PITRM1: variants seen among roughly 807,000 people sequenced by gnomAD.
PITRM1 encodes pitrilysin metallopeptidase 1, also known as presequence protease, mitochondrial.
Under a neutral mutation model 129.9 loss-of-function variants are expected in PITRM1, and 100 were observed. That is an observed-to-expected ratio of 0.77 (90% CI 0.65 to 0.91). The LOEUF is 0.91. PITRM1 is among the 40% of genes least tolerant of loss of function. The pLI, the probability that PITRM1 is intolerant of heterozygous loss-of-function variation, is 0.00. For synonymous variants in PITRM1, 591 were observed against 508.8 expected (o/e 1.16, Z -2.17); for missense variants, 1,471 against 1,318.3 (o/e 1.12, Z -1.79).
At chr10:3,153,294 C>T (rs548711860) in intron 14 of PITRM1, among the ~76,000 whole-genome samples, 11 of 152,282 alleles carry the variant, frequency 7.2e-5, no homozygotes, top group African/African-American at 2.4e-4. Context: ...ATTTAGGAAA[C>T]GTACAACCTG....
chr10:3,166,644 C>T (rs986813815), intron 3 of PITRM1, among the ~76,000 whole-genome samples: 2 of 152,188 alleles, frequency 1.3e-5, no homozygotes, highest in Non-Finnish European at 2.9e-5. Context: ...TTTTAAACCA[C>T]GTAATGTATA....
chr10:3,164,720 A>G (rs1325959051), intron 6 of PITRM1, among the ~76,000 whole-genome samples: 2 of 152,222 alleles, frequency 1.3e-5, no homozygotes, highest in African/African-American at 2.4e-5. Context: ...ATACTTATTC[A>G]TTAAGGTAAG....
chr10:3,157,404 A>C, intron 12 of PITRM1, 31 bp downstream of exon 12: 1 of 1,409,686 alleles, frequency 7.1e-7, no homozygotes, highest in Non-Finnish European at 9.8e-7. Context: ...CTATTATAAA[A>C]CAAAAACAAA....
chr10:3,143,546 C>T (rs1045989036), intron 22 of PITRM1, 45 bp from the exon 23 acceptor site: 11 of 1,325,380 alleles, frequency 8.3e-6, no homozygotes, highest in African/African-American at 2.9e-5. Context: ...TGCCATGCAC[C>T]GCCCACGGCA....
Position 3,160,194 on chromosome 10 carries a change from G to A in PITRM1, c.918+10C>T. On this transcript the variant is annotated intron_variant, in intron 8 of 26. Coordinates refer to ENST00000224949, the MANE Select transcript of PITRM1 (RefSeq NM_014889.4). ...TACCAGGAAGGACACAAACACGGTG[G>A]GGCACTCACAGGCTTGTCCCAGGGT... The A allele has an allele frequency of 1.9e-6, 3 of 1,613,440 alleles. No individual in the cohort carries two copies. The South Asian group carries it at 3.3e-5, about 18-fold the overall frequency.
chr10:3,147,546 A>G (rs1238707923), intron 19 of PITRM1, 26 bp downstream of exon 19: 1 of 1,610,850 alleles, frequency 6.2e-7, no homozygotes, highest in Non-Finnish European at 8.5e-7. Context: ...AACCGGAGTA[A>G]TAGAGGTTCC....
Position 3,159,863 on chromosome 10 carries a change from C to T in PITRM1, c.992G>A (p.Ser331Asn). Residue 331 changes from serine (S) to asparagine (N), a missense_variant, in exon 9 of 27, where the codon AGC (serine) becomes AAC (asparagine). Transcript: ENST00000224949. ...ATATACTTACTCCGGTAAGAGGAAG[C>T]TAACGCTGATGGTTGTTTGTTTAGA... ...DPSKQTTISVSFLLPDITDTF... is the reference protein window; with the variant it reads ...DPSKQTTISVNFLLPDITDTF... 6.3e-7 allele frequency: 1 copy of T among 1,597,754 alleles called. No homozygotes were observed. The highest frequency in any genetic ancestry group is 8.6e-7 in the Non-Finnish European group (1 of 1,168,622).
chr10:3,159,965 G>A, intron 8 of PITRM1, 29 bp from the exon 9 acceptor site: 2 of 1,484,250 alleles, frequency 1.3e-6, no homozygotes, highest in South Asian at 1.2e-5. Context: ...TTGTGAGTAG[G>A]CACAGTGTCT....
chr10:3,164,476 T>C (rs1183607529), intron 6 of PITRM1, among the ~76,000 whole-genome samples: 1 of 152,210 alleles, frequency 6.6e-6, no homozygotes, highest in Non-Finnish European at 1.5e-5. Flanking sequence ...AACCCATTTA[T>C]GCCTGAGGTT....
In PITRM1 at chr10:3,138,258, G is replaced by T; in HGVS notation, c.2997C>A (p.Asp999Glu). The T allele has an allele frequency of 6.2e-7, 1 of 1,613,436 alleles. No individual in the cohort carries two copies. The highest frequency in any genetic ancestry group is 8.5e-7 in the Non-Finnish European group (1 of 1,179,410). ...ACCTATCGCTCACGGCCAGGAGCTT[G>T]TCGTGGCTGACAGCAAAGAGCTGCT... is the stretch of plus-strand genomic sequence containing the variant. ...HREQLFAVSH[D>E]KLLAVSDRYL... Residue 999 changes from aspartate (D) to glutamate (E), a missense_variant, in exon 26 of 27, where the codon GAC becomes GAA. Transcript: ENST00000224949.
chr10:3,149,323 C>A (rs1376805523), intron 16 of PITRM1: 1 of 245,232 alleles, frequency 4.1e-6, no homozygotes, highest in Non-Finnish European at 7.8e-6. Context: ...ACTGCACATC[C>A]AATTACTTAC....
chr10:3,142,070 G>A (rs1840284444), intron 23 of PITRM1, among the ~76,000 whole-genome samples: 1 of 152,134 alleles, frequency 6.6e-6, no homozygotes. Flanking sequence ...AAAAAGATCT[G>A]GAATCCCACT....
In PITRM1 at chr10:3,169,374, C is replaced by CCAG. The variant is rs112004028; in HGVS notation, c.159+727_159+729dup. Among the ~76,000 whole-genome samples, 30 of 152,296 alleles carry CCAG rather than the reference C, an allele frequency of 2.0e-4. 3 individuals are homozygous for CCAG. The highest frequency in any genetic ancestry group is 6.0e-4 in the African/African-American group (25 of 41,576). ...TCTCCAGGAGCTCTTCCCTCTGCCC[C>CCAG]CAGCAGCAGCAGCTCCCACTCCTCC... On this transcript the variant is annotated intron_variant, in intron 2 of 26. Transcript: ENST00000224949.
rs948619889 is a variant in PITRM1 at position 3,167,022 on chromosome 10, C to G, written c.180G>C (p.Leu60=). 5.0e-6 allele frequency: 8 copies of G among 1,607,438 alleles called. No individual in the cohort carries two copies. ...TVNQVTSVPE[L]FLTAVKLTHD... ...GGGTGAGCTTCACTGCAGTCAGGAACAGCTCGGGAACAGATGTCACCTGAG... is the reference window on the plus strand; with the variant it reads ...GGGTGAGCTTCACTGCAGTCAGGAAGAGCTCGGGAACAGATGTCACCTGAG... Residue 60 remains leucine, a synonymous_variant, in exon 3 of 27, where the codon CTG becomes CTC. Coordinates refer to ENST00000224949, the MANE Select transcript of PITRM1 (RefSeq NM_014889.4).
intron 22 of PITRM1, chr10:3,143,739 G>A (rs202127046): frequency 9.0e-5 from 63 of 698,032 alleles, no homozygotes; most frequent in Non-Finnish European, 1.5e-4. Context: ...AAACTGACAT[G>A]AAGTCCTCCA....
chr10:3,140,355 C>G (rs1249884423), intron 24 of PITRM1, among the ~76,000 whole-genome samples: 2 of 152,118 alleles, frequency 1.3e-5, no homozygotes. Context: ...CTGGAATTTT[C>G]CATTTAATAT....
At chr10:3,140,897 G>T in intron 23 of PITRM1, 85 bp from the exon 24 acceptor site, 1 of 1,199,328 alleles carries the variant, frequency 8.3e-7, no homozygotes, top group Non-Finnish European at 1.2e-6. Flanking sequence ...AAGTGAAAAT[G>T]AAAATCGAGT....
chr10:3,170,130 T>C lies in PITRM1; in HGVS notation c.133A>G (p.Lys45Glu), dbSNP rs1375883685. 1.2e-6 allele frequency: 2 copies of C among 1,613,680 alleles called. No homozygotes were observed. Among genetic ancestry groups the C allele is most frequent in the African/African-American group, 2.7e-5 (2 of 74,924 alleles). The change falls in exon 2 of 27, where the codon AAG becomes GAG. Residue 45 changes from lysine to glutamate, a missense_variant. Lys to Glu is a moderately conservative substitution (Grantham distance 56). Coordinates refer to ENST00000224949, the MANE Select transcript of PITRM1 (RefSeq NM_014889.4). ...ERALQYKLGDKIHGFTVNQVT... is the reference protein window; with the variant it reads ...ERALQYKLGDEIHGFTVNQVT... ...TGGTTTACGGTGAATCCATGGATCT[T>C]GTCTCCTAGTTTATACTGCAGAGCC...
In PITRM1 at chr10:3,151,230, G is replaced by A. The variant is rs376411697; in HGVS notation, c.1738+17C>T. 46 of 1,369,844 alleles carry A rather than the reference G, an allele frequency of 3.4e-5. No homozygotes were observed. The highest frequency in any genetic ancestry group is 3.3e-4 in the African/African-American group (23 of 70,406). The allele number at this position is 1,369,844 out of a possible 1,614,324, so 84.9% of individuals were successfully genotyped here. On this transcript the variant is annotated intron_variant, in intron 15 of 26. Transcript: ENST00000224949. ...AAGGAACCCGAGACCCGGGAAAAGC[G>A]TAGCGTTCACAGTGACCTGTCAGGA...
Sources: allele counts gnomAD v4.1 joint callset (sites outside exome capture counted in the v4.1 genomes callset), GRCh38; gene constraint gnomAD v4.1.1; transcripts MANE v1.5; gene names NCBI Gene and HGNC (gene_info 2026-07-23, HGNC 2026-07-21).